ZNF599: variants seen among roughly 807,000 people sequenced by gnomAD.
ZNF599 encodes the protein zinc finger protein 599.
ZNF599 carries 10 observed loss-of-function variants against 11.7 expected under a neutral mutation model. The observed-to-expected ratio is 0.86, with a 90% CI of 0.53 to 1.45. ZNF599 has a LOEUF of 1.45. Ranked by LOEUF, ZNF599 falls within the 40% of genes most tolerant of loss-of-function variation. The pLI is 0.00. For synonymous variants in ZNF599, 232 were observed against 253.2 expected, an observed-to-expected ratio of 0.92 and a Z score of 0.79; for missense variants, 688 against 713.6, an observed-to-expected ratio of 0.96 and a Z score of 0.41.
rs1458391706 is a variant in ZNF599 at position 34,758,257 on chromosome 19, CAT to C, written c.*775_*776del. 6.6e-6 allele frequency: 1 copy of C among 152,218 alleles called. No homozygotes were observed. The highest frequency in any genetic ancestry group is 2.4e-5 in the African/African-American group (1 of 41,458). 9.4% of individuals were successfully genotyped at this position (152,218 alleles called of 1,614,324 possible). On this transcript the variant is annotated 3_prime_UTR_variant, in exon 4 of 4. Coordinates refer to ENST00000329285, the MANE Select transcript of ZNF599 (RefSeq NM_001007248.3). ...ACGCTGTATTTCCCCTAGCAACAATCATTCAGCATTCACTAATTCAGTGTGCA... is the reference window on the plus strand; with the variant it reads ...ACGCTGTATTTCCCCTAGCAACAATCTCAGCATTCACTAATTCAGTGTGCA...
the ZNF599 span, among the ~76,000 whole-genome samples, chr19:34,785,787 G>A: frequency 4.6e-5 from 7 of 152,250 alleles, no homozygotes; most frequent in East Asian, 1.4e-3. Context: ...CTGTGCTGTG[G>A]GGGGTGTGCC....
At chr19:34,768,094 T>C (rs2069157188) in intron 2 of ZNF599, among the ~76,000 whole-genome samples, 1 of 152,214 alleles carries the variant, frequency 6.6e-6, no homozygotes, top group Non-Finnish European at 1.5e-5. Context: ...GAAAATCTTG[T>C]CCTGGCACGC....
intron 3 of ZNF599, chr19:34,765,615 AAC>A (rs1440234344): frequency 1.4e-6 from 1 of 703,162 alleles, no homozygotes; most frequent in Non-Finnish European, 2.6e-6. Flanking sequence ...CCAGGATGAT[AAC>A]TCTTCCACAG....
chr19:34,763,169 G>A (rs958020546), intron 3 of ZNF599: 2 of 152,200 alleles, frequency 1.3e-5, no homozygotes, highest in Non-Finnish European at 2.9e-5. Context: ...CAGGAAGCAG[G>A]TCATGTTCTT....
chr19:34,769,588 T>C, intron 1 of ZNF599, 33 bp from the exon 2 acceptor site: 1 of 1,604,118 alleles, frequency 6.2e-7, no homozygotes, highest in Non-Finnish European at 8.5e-7. Flanking sequence ...CAGGTGGCTG[T>C]GGAGCTATTA....
intron 2 of ZNF599, 138 bp downstream of exon 2, chr19:34,769,288 AGAG>A (rs1335566861): frequency 9.7e-6 from 10 of 1,032,006 alleles, no homozygotes; most frequent in South Asian, 3.0e-5. Context: ...AAACCCAGCA[AGAG>A]GAGGTCAGAC....
At chr19:34,795,723 C>G in the ZNF599 span, among the ~76,000 whole-genome samples, 14 of 152,346 alleles carry the variant, frequency 9.2e-5, no homozygotes, top group East Asian at 2.7e-3. Context: ...GCAACATTGG[C>G]TAGGGAGTAC....
the ZNF599 span, among the ~76,000 whole-genome samples, chr19:34,778,645 A>G: frequency 6.6e-6 from 1 of 152,244 alleles, no homozygotes; most frequent in Admixed American, 6.5e-5. Context: ...TTAATAATGC[A>G]GATTAAATTT....
At position 34,759,809 on chromosome 19, in the gene ZNF599, C is replaced by T; in HGVS notation, c.992G>A (p.Arg331Lys). Reference sequence around the variant, plus strand: ...ATAGAGTTTCTTTCCAGTATGAATCCTCATATGTTGAGCAAATGAGGAGCT... The same window carrying T: ...ATAGAGTTTCTTTCCAGTATGAATCTTCATATGTTGAGCAAATGAGGAGCT... Reference protein sequence around the residue: ...YYSSSFAQHMRIHTGKKLYEC... With the variant: ...YYSSSFAQHMKIHTGKKLYEC... The change falls in exon 4 of 4, where the codon AGG (arginine) becomes AAG (lysine). Residue 331 changes from arginine (R) to lysine (K), a missense_variant. Arg to Lys is a conservative substitution (Grantham distance 26). Transcript: ENST00000329285. The T allele has an allele frequency of 1.2e-6, 2 of 1,614,152 alleles. No homozygotes were observed. The highest frequency in any genetic ancestry group is 1.7e-6 in the Non-Finnish European group (2 of 1,180,022).
At chr19:34,769,707 G>T in intron 1 of ZNF599, 152 bp from the exon 2 acceptor site, 1 of 891,820 alleles carries the variant, frequency 1.1e-6, no homozygotes, top group Non-Finnish European at 1.7e-6. Flanking sequence ...TGGTGCCGCT[G>T]ACAGAATACA....
At chr19:34,790,588 G>C in the ZNF599 span, among the ~76,000 whole-genome samples, 2 of 152,140 alleles carry the variant, frequency 1.3e-5, no homozygotes, top group Admixed American at 6.5e-5. Flanking sequence ...AGTAGAGAGC[G>C]GAAGGCCTGG....
the ZNF599 span, among the ~76,000 whole-genome samples, chr19:34,787,960 A>G: frequency 6.6e-6 from 1 of 152,216 alleles, no homozygotes; most frequent in African/African-American, 2.4e-5. Flanking sequence ...TGGATTAAAA[A>G]TACTTGGAAA....
In ZNF599 at chr19:34,758,950, A is replaced by G; in HGVS notation, c.*84T>C. On this transcript the variant is annotated 3_prime_UTR_variant, in exon 4 of 4. Transcript: ENST00000329285. ...CTCTCTGGCCAAAATATTTCCCTCA[A>G]TAGTTATACTCAAAAGGAAAGGTAT... 7.2e-7 allele frequency: 1 copy of G among 1,392,164 alleles called. No homozygotes were observed. Among genetic ancestry groups the G allele is most frequent in the Middle Eastern group, 1.9e-4 (1 of 5,334 alleles). The allele number at this position is 1,392,164 out of a possible 1,614,324, so 86.2% of individuals were successfully genotyped here.
At chr19:34,797,939 G>T in the ZNF599 span, among the ~76,000 whole-genome samples, 1 of 152,112 alleles carries the variant, frequency 6.6e-6, no homozygotes, top group Non-Finnish European at 1.5e-5. Flanking sequence ...CGTATGAACA[G>T]GCGCCCCCAT....
intron 3 of ZNF599, 34 bp downstream of exon 3, chr19:34,767,270 TCTGCAGGCTGCC>T (rs2069150112): frequency 1.3e-6 from 2 of 1,483,148 alleles, no homozygotes; most frequent in African/African-American, 2.8e-5. Context: ...GCCTGGGTGG[TCTGCAGGCTGCC>T]CTGATACCCG....
intron 3 of ZNF599, chr19:34,764,848 A>G (rs2069132281): frequency 6.6e-6 from 1 of 152,238 alleles, no homozygotes; most frequent in South Asian, 2.1e-4. Context: ...AAAACTTTAT[A>G]GAAATGAAAC....
chr19:34,760,171 C>T lies in ZNF599; in HGVS notation c.630G>A (p.Lys210=). ...GTTGATGCCGAACAAGGGCCCACTTCTTGCTAAACCCTTTCCCACATTCCG... is the reference window on the plus strand; with the variant it reads ...GTTGATGCCGAACAAGGGCCCACTTTTTGCTAAACCCTTTCCCACATTCCG... ...TCTECGKGFS[K]KWALVRHQQI... Residue 210 remains lysine, a synonymous_variant, in exon 4 of 4, where the codon AAG becomes AAA. Transcript: ENST00000329285. 2 of 1,614,162 alleles carry T rather than the reference C, an allele frequency of 1.2e-6. No homozygotes were observed. Among genetic ancestry groups the T allele is most frequent in the Non-Finnish European group, 1.7e-6 (2 of 1,180,026 alleles).
At chr19:34,777,409 T>A (rs1294209885), upstream of ZNF599, among the ~76,000 whole-genome samples, 5 of 92,738 alleles carry the variant, frequency 5.4e-5, no homozygotes, top group Non-Finnish European at 9.9e-5. Flanking sequence ...ATATTATATA[T>A]AATATATATT....
At chr19:34,788,004 C>CT in the ZNF599 span, among the ~76,000 whole-genome samples, 2 of 152,142 alleles carry the variant, frequency 1.3e-5, no homozygotes, top group Admixed American at 6.5e-5. Flanking sequence ...AAGTATACGC[C>CT]TTTTTTTCTT....
Sources: allele counts gnomAD v4.1 joint callset (sites outside exome capture counted in the v4.1 genomes callset), GRCh38; gene constraint gnomAD v4.1.1; transcripts MANE v1.5; gene names NCBI Gene and HGNC (gene_info 2026-07-23, HGNC 2026-07-21).